Variants in PTPRD observed in about 807,000 individuals in gnomAD.
PTPRD encodes the protein receptor-type tyrosine-protein phosphatase delta.
Under a neutral mutation model 214.5 loss-of-function variants are expected in PTPRD, and 34 were observed. The observed-to-expected ratio is 0.16, with a 90% CI of 0.12 to 0.21. The LOEUF is 0.21. Ranked by LOEUF, PTPRD falls within the 10% of genes least tolerant of loss-of-function variation. PTPRD has a pLI of 1.00. For synonymous variants in PTPRD, 1,128 were observed against 845.7 expected (o/e 1.33, Z -5.79); for missense variants, 2,545 against 2,398.7 (o/e 1.06, Z -1.27).
At chr9:9,936,382 GA>G (rs1207270687) in intron 5 of PTPRD, among the ~76,000 whole-genome samples, 1 of 151,540 alleles carries the variant, frequency 6.6e-6, no homozygotes, top group East Asian at 1.9e-4. Flanking sequence ...AAATTTACAA[GA>G]AAAAAACAAC....
At chr9:9,044,880 T>C (rs975726663) in intron 10 of PTPRD, among the ~76,000 whole-genome samples, 1 of 152,224 alleles carries the variant, frequency 6.6e-6, no homozygotes, top group Admixed American at 6.5e-5. Flanking sequence ...ACTGTCATAA[T>C]GGTGTGTCTA....
chr9:10,137,701 TAAAAAAA>T (rs76032048), intron 3 of PTPRD, among the ~76,000 whole-genome samples: 3 of 72,038 alleles, frequency 4.2e-5, no homozygotes, highest in Non-Finnish European at 7.6e-5. Context: ...TAGAGTATAA[TAAAAAAA>T]AAAAAAAAAA....
chr9:8,654,643 C>T (rs1596181241), intron 12 of PTPRD, among the ~76,000 whole-genome samples: 1 of 152,108 alleles, frequency 6.6e-6, no homozygotes, highest in African/African-American at 2.4e-5. Context: ...CAAATTCAAA[C>T]TGCCAGAAAC....
intron 2 of PTPRD, among the ~76,000 whole-genome samples, chr9:10,509,565 ATATATATATATATATT>A (rs1398389893): frequency 2.2e-4 from 16 of 73,084 alleles, no homozygotes; most frequent in African/African-American, 5.5e-4. Flanking sequence ...TATTATATAT[ATATATATATATATATT>A]TTACTCACTT....
chr9:8,324,086 C>A (rs1233393173), intron 44 of PTPRD, among the ~76,000 whole-genome samples: 1 of 150,962 alleles, frequency 6.6e-6, no homozygotes, highest in Non-Finnish European at 1.5e-5. Context: ...ACCGGAGGCT[C>A]AGATGATGAT....
chr9:10,444,846 T>G, intron 2 of PTPRD, among the ~76,000 whole-genome samples: 1 of 152,120 alleles, frequency 6.6e-6, no homozygotes, highest in East Asian at 1.9e-4. Flanking sequence ...TAACTTTTTC[T>G]AATTTTTAAA....
chr9:8,933,262 GTCT>G (rs1299335036), intron 11 of PTPRD, among the ~76,000 whole-genome samples: 3 of 146,480 alleles, frequency 2.0e-5, no homozygotes, highest in Admixed American at 7.1e-5. Context: ...AAAATCATCT[GTCT>G]TCTTCATTGG....
rs911513343 is a variant in PTPRD at position 9,034,824 on chromosome 9, G to A, written c.-142-16089C>T. The stretch of plus-strand genomic sequence containing the variant: ...ACTCAGCAATGCAGTGCATGGGACA[G>A]GAACACCACTCAATGAATGCTACTT... On this transcript the variant is annotated intron_variant, in intron 10 of 45. Coordinates refer to ENST00000381196, the MANE Select transcript of PTPRD (RefSeq NM_002839.4). Among the ~76,000 whole-genome samples, 4 of 152,154 alleles carry A rather than the reference G, an allele frequency of 2.6e-5. No individual in the cohort carries two copies. The South Asian group carries it at 8.3e-4, about 32-fold the overall frequency.
intron 5 of PTPRD, among the ~76,000 whole-genome samples, chr9:9,858,827 T>G (rs1405775554): frequency 6.6e-6 from 1 of 152,158 alleles, no homozygotes. Context: ...TTATTTGTAG[T>G]TCAGAAAAGG....
intron 2 of PTPRD, among the ~76,000 whole-genome samples, chr9:10,441,850 T>C (rs2098761102): frequency 6.6e-6 from 1 of 151,648 alleles, no homozygotes; most frequent in Admixed American, 6.6e-5. Flanking sequence ...TCTAGTTCAT[T>C]TATTTAATAT....
intron 14 of PTPRD, among the ~76,000 whole-genome samples, chr9:8,549,089 A>G (rs1490356596): frequency 1.3e-5 from 2 of 152,208 alleles, no homozygotes; most frequent in African/African-American, 4.8e-5. Context: ...GACAAAGAGA[A>G]AGCCCAGTTA....
At chr9:10,573,923 C>T (rs905215947) in intron 2 of PTPRD, among the ~76,000 whole-genome samples, 1 of 151,860 alleles carries the variant, frequency 6.6e-6, no homozygotes, top group East Asian at 1.9e-4. Context: ...TGCACATGTA[C>T]CTTAAAACTT....
intron 11 of PTPRD, among the ~76,000 whole-genome samples, chr9:8,949,626 A>G (rs1040087944): frequency 6.6e-6 from 1 of 152,174 alleles, no homozygotes; most frequent in Non-Finnish European, 1.5e-5. Context: ...TGAGGTCACC[A>G]AATGCAAGAG....
intron 3 of PTPRD, among the ~76,000 whole-genome samples, chr9:10,186,844 T>C (rs546970970): frequency 1.3e-5 from 2 of 152,216 alleles, no homozygotes; most frequent in East Asian, 3.9e-4. Flanking sequence ...AACTCTAAGA[T>C]ACTAGCATCC....
At chr9:10,375,181 G>C in intron 2 of PTPRD, among the ~76,000 whole-genome samples, 1 of 151,748 alleles carries the variant, frequency 6.6e-6, no homozygotes, top group East Asian at 1.9e-4. Context: ...TTCTTACTGG[G>C]GCAAGTAACT....
At chr9:8,466,543 A>C (rs974083881) in intron 31 of PTPRD, among the ~76,000 whole-genome samples, 1 of 152,050 alleles carries the variant, frequency 6.6e-6, no homozygotes, top group Non-Finnish European at 1.5e-5. Flanking sequence ...GTGGTTATGA[A>C]CACTGATTTC....
intron 31 of PTPRD, among the ~76,000 whole-genome samples, chr9:8,468,746 G>A (rs1448228498): frequency 6.8e-6 from 1 of 146,866 alleles, no homozygotes; most frequent in Non-Finnish European, 1.5e-5. Context: ...GTCAAACCTG[G>A]CAGTATCAAG....
chr9:9,787,371 G>A (rs951375620), intron 5 of PTPRD, among the ~76,000 whole-genome samples: 4 of 147,508 alleles, frequency 2.7e-5, no homozygotes, highest in African/African-American at 7.6e-5. Flanking sequence ...GACATATAAC[G>A]CATTGACAAA....
chr9:9,531,484 G>A (rs976279002), intron 8 of PTPRD, among the ~76,000 whole-genome samples: 2 of 152,126 alleles, frequency 1.3e-5, no homozygotes, highest in African/African-American at 2.4e-5. Context: ...TGCAATGTTC[G>A]AAAGAATTTT....
Sources: gnomAD v4.1 joint callset for allele counts (sites outside exome capture counted in the v4.1 genomes callset) on GRCh38, gnomAD v4.1.1 for gene constraint, MANE v1.5 for transcripts, NCBI Gene and HGNC (gene_info 2026-07-23, HGNC 2026-07-21) for gene names.